The following CTSB variants were observed in gnomAD, a reference collection of about 807,000 sequenced individuals.
CTSB encodes APP secretase.
In CTSB, 57 loss-of-function variants were observed where a neutral mutation model predicts 44.3. The observed-to-expected ratio is 1.29, with a 90% CI of 1.04 to 1.60. CTSB has a LOEUF of 1.60. Among genes scored for constraint, CTSB ranks in the 40% most tolerant of loss-of-function variants. The pLI, the probability that CTSB is intolerant of heterozygous loss-of-function variation, is 0.00. For missense variants in CTSB, 768 were observed against 443.0 expected (o/e 1.73, Z -6.59); for synonymous variants, 320 against 168.0 (o/e 1.91, Z -7.00).
chr8:11,852,584 A>G lies in CTSB; in HGVS notation c.212+26T>C, dbSNP rs112093132. ...AACCAACGCCTGCCACTCACATTAC[A>G]GCGGTGCAGAGGAGCAGGCACTCAC... On this transcript the variant is annotated intron_variant, in intron 3 of 9. Coordinates refer to ENST00000353047, the MANE Select transcript of CTSB (RefSeq NM_001908.5). 184 of 1,589,926 alleles carry G rather than the reference A, an allele frequency of 1.2e-4. 1 individual carries two copies. In the African/African-American group the frequency reaches 1.8e-3, roughly 15 times the overall value.
In CTSB at chr8:11,845,205, T is replaced by A; in HGVS notation, c.940A>T (p.Arg314Ter). The change falls in exon 10 of 10, where the codon AGA becomes TGA. Residue 314 changes from arginine to a stop codon, truncating the protein, a stop_gained. Transcript: ENST00000353047. LOFTEE classifies it high-confidence loss of function. ...TCGATTCCACAGTGATCCTGTCCTC[T>A]GAGTATTTTAAAGAAGCCTGGGAAT... ...WGDNGFFKIL[R>*]GQDHCGIESE... is the part of the protein sequence containing the mutation. 1 of 1,613,444 alleles carries A rather than the reference T, an allele frequency of 6.2e-7. No homozygotes were observed. Among genetic ancestry groups the A allele is most frequent in the Non-Finnish European group, 8.5e-7 (1 of 1,179,382 alleles).
Position 11,849,105 on chromosome 8 carries a change from G to A in CTSB, c.387C>T (p.Val129=). Residue 129 remains valine, a synonymous_variant, in exon 5 of 10, where the codon GTC becomes GTT. Coordinates refer to ENST00000353047, the MANE Select transcript of CTSB (RefSeq NM_001908.5). ...GGTCCTCCGCCGACACCTCCACGCT[G>A]ACGTGCGCATTGGTGTGGATGCAGA... The part of the protein sequence containing the change: ...DRICIHTNAH[V]SVEVSAEDLL... The A allele has an allele frequency of 6.2e-7, 1 of 1,613,614 alleles. No homozygotes were observed. The highest frequency in any genetic ancestry group is 8.5e-7 in the Non-Finnish European group (1 of 1,179,882).
rs756799886 is a variant in CTSB, at chr8:11,845,805, C to G, written c.794-16G>C. ...TGGTACACTCCTGAAAAGGGAAGAA[C>G]TGGCTGAGACCGAGACCGGGCCACT... On this transcript the variant is annotated splice_polypyrimidine_tract_variant and intron_variant, in intron 8 of 9. Transcript: ENST00000353047. 10 of 1,603,760 alleles carry G rather than the reference C, an allele frequency of 6.2e-6. No individual in the cohort carries two copies. In the African/African-American group the frequency reaches 6.7e-5, roughly 11 times the overall value.
Position 11,863,340 on chromosome 8 carries a change from T to C in CTSB, c.-26+4661A>G, listed in dbSNP as rs534690322. On this transcript the variant is annotated intron_variant, in intron 1 of 9. Coordinates refer to ENST00000353047, the MANE Select transcript of CTSB (RefSeq NM_001908.5). ...TGGGCGTGGTGGCACACGCCTGTAA[T>C]CCCAGCTACTCAGGGGGCTGAGGCA... Among the ~76,000 whole-genome samples, 4 of 151,686 alleles carry C rather than the reference T, an allele frequency of 2.6e-5. No homozygotes were observed. The East Asian group carries it at 7.8e-4, about 30-fold the overall frequency.
At chr8:11,857,398 A>G (rs565599190) in intron 1 of CTSB, among the ~76,000 whole-genome samples, 113 of 152,124 alleles carry the variant, frequency 7.4e-4, no homozygotes, top group Middle Eastern at 3.4e-3. Context: ...CATGTCAGTG[A>G]CCCACACAGC....
chr8:11,849,292 C>T (rs1472565292), intron 4 of CTSB, 128 bp from the exon 5 acceptor site: 6 of 615,428 alleles, frequency 9.7e-6, no homozygotes, highest in Non-Finnish European at 1.4e-5. Flanking sequence ...CCAGGGGACG[C>T]TCCTGGGGCT....
chr8:11,859,009 G>C (rs1056188981), intron 1 of CTSB, among the ~76,000 whole-genome samples: 5 of 152,142 alleles, frequency 3.3e-5, no homozygotes, highest in African/African-American at 4.8e-5. Flanking sequence ...CCCTTTCCAG[G>C]ATGCGGGCTG....
At chr8:11,866,487 G>C (rs1331240639) in intron 1 of CTSB, among the ~76,000 whole-genome samples, 1 of 152,244 alleles carries the variant, frequency 6.6e-6, no homozygotes, top group African/African-American at 2.4e-5. Context: ...TCCAGGAGAC[G>C]TTTGACTCTG....
At chr8:11,857,883 G>C (rs1815763189) in intron 1 of CTSB, 1 of 151,802 alleles carries the variant, frequency 6.6e-6, no homozygotes, top group Non-Finnish European at 1.5e-5. Context: ...TGGTGTTCCT[G>C]GCTTCTCTGC....
At chr8:11,855,837 G>A (rs1399145658) in intron 1 of CTSB, among the ~76,000 whole-genome samples, 2 of 152,086 alleles carry the variant, frequency 1.3e-5, no homozygotes, top group Non-Finnish European at 2.9e-5. Context: ...GGCCAACATG[G>A]TGAAACCCCG....
In CTSB at chr8:11,850,896, G is replaced by T; in HGVS notation, c.297C>A (p.Ile99=). 6.2e-7 allele frequency: 1 copy of T among 1,613,450 alleles called. No homozygotes were observed. Among genetic ancestry groups the T allele is most frequent in the South Asian group, 1.1e-5 (1 of 90,960 alleles). The change falls in exon 4 of 10, where the codon ATC becomes ATA. Residue 99 remains isoleucine, a synonymous_variant. Coordinates refer to ENST00000353047, the MANE Select transcript of CTSB (RefSeq NM_001908.5). ...QWPQCPTIKE[I]RDQGSCGSCW... The stretch of plus-strand genomic sequence containing the variant: ...AGGAGCCACAGGAGCCCTGGTCTCT[G>T]ATCTCTTTGATGGTGGGACACTGTG...
intron 1 of CTSB, among the ~76,000 whole-genome samples, chr8:11,866,829 C>CAG (rs1279919149): frequency 6.6e-6 from 1 of 152,230 alleles, no homozygotes; most frequent in East Asian, 1.9e-4. Flanking sequence ...CACTGTGCTC[C>CAG]AGCCTGAGAG....
chr8:11,859,371 G>A (rs1006239133), intron 1 of CTSB, among the ~76,000 whole-genome samples: 1 of 152,178 alleles, frequency 6.6e-6, no homozygotes, highest in East Asian at 1.9e-4. Context: ...GAGGTGGAAT[G>A]AAAGTCAAAG....
chr8:11,859,302 C>T (rs911984287), intron 1 of CTSB, among the ~76,000 whole-genome samples: 3 of 152,172 alleles, frequency 2.0e-5, no homozygotes, highest in African/African-American at 4.8e-5. Flanking sequence ...CGGCAAACGG[C>T]ACCCTAGACT....
chr8:11,850,070 G>C (rs1814267183), intron 4 of CTSB: 2 of 152,300 alleles, frequency 1.3e-5, no homozygotes, highest in East Asian at 1.9e-4. Flanking sequence ...TCGGGGGACA[G>C]ATGGTGGTGG....
At chr8:11,848,374 CGGG>C (rs1563391801) in intron 5 of CTSB, 2 of 662,236 alleles carry the variant, frequency 3.0e-6, no homozygotes, top group African/African-American at 1.8e-5. Context: ...CACAAAGATC[CGGG>C]AGAAGACAGG....
chr8:11,843,988 G>C lies in CTSB; in HGVS notation c.*1137C>G, dbSNP rs1812742228. 6.6e-6 allele frequency: 1 copy of C among 152,210 alleles called. No homozygotes were observed. Among genetic ancestry groups the C allele is most frequent in the Admixed American group, 6.5e-5 (1 of 15,278 alleles). The allele number at this position is 152,210 out of a possible 1,614,324, so 9.4% of individuals were successfully genotyped here. A position where few individuals can be genotyped will look rare whatever the true frequency, so the allele number is the denominator to read the frequency against. On this transcript the variant is annotated 3_prime_UTR_variant, in exon 10 of 10. Coordinates refer to ENST00000353047, the MANE Select transcript of CTSB (RefSeq NM_001908.5). ...CTGCAGGTTGCAGTGAGCTGAGAAG[G>C]CGCCACTGCACTCCAGCCTGGGAGA... is the stretch of plus-strand genomic sequence containing the variant.
chr8:11,845,282 C>G (rs2130977316), intron 9 of CTSB, 60 bp from the exon 10 acceptor site: 2 of 1,324,526 alleles, frequency 1.5e-6, no homozygotes, highest in Non-Finnish European at 2.2e-6. Context: ...TATAGTCAGA[C>G]TCATCCTTAA....
intron 1 of CTSB, among the ~76,000 whole-genome samples, chr8:11,859,289 C>G (rs144371648): frequency 6.6e-6 from 1 of 151,998 alleles, no homozygotes; most frequent in African/African-American, 2.4e-5. Flanking sequence ...CACCTTCCTC[C>G]CCCGGCAAAC....
Sources: allele counts gnomAD v4.1 joint callset (sites outside exome capture counted in the v4.1 genomes callset), GRCh38; gene constraint gnomAD v4.1.1; transcripts MANE v1.5; gene names NCBI Gene and HGNC (gene_info 2026-07-23, HGNC 2026-07-21).